Variants in CNTRL observed in about 807,000 individuals in gnomAD.
The protein encoded by CNTRL is centriolin.
In CNTRL, 233 loss-of-function variants were observed where a neutral mutation model predicts 303.7. The ratio of observed to expected loss-of-function variants is 0.77; its 90% CI spans 0.69 to 0.86. CNTRL has a LOEUF of 0.86. CNTRL is among the 40% of genes least tolerant of loss of function. The pLI, the probability that CNTRL is intolerant of heterozygous loss-of-function variation, is 0.00. For missense variants in CNTRL, 2,524 were observed against 2,650.6 expected (o/e 0.95, Z 1.05); for synonymous variants, 900 against 922.2 (o/e 0.98, Z 0.44).
chr9:121,152,729 G>A (rs760238174), intron 26 of CNTRL, 36 bp downstream of exon 26: 28 of 1,446,024 alleles, frequency 1.9e-5, no homozygotes, highest in South Asian at 1.2e-5. Flanking sequence ...AGACAAATAC[G>A]ATATTAGTTC....
intron 15 of CNTRL, among the ~76,000 whole-genome samples, 199 bp from the exon 16 acceptor site, chr9:121,138,343 CCTT>C (rs2051308914): frequency 6.6e-6 from 1 of 152,152 alleles, no homozygotes; most frequent in African/African-American, 2.4e-5. Flanking sequence ...GATGCTTACT[CCTT>C]CTTAAGTGTT....
intron 40 of CNTRL, 89 bp from the exon 41 acceptor site, chr9:121,173,154 A>G: frequency 1.7e-6 from 2 of 1,191,986 alleles, no homozygotes; most frequent in African/African-American, 1.5e-5. Context: ...ATATTTATAG[A>G]TCTTTAAATA....
Position 121,098,388 on chromosome 9 carries a change from C to A in CNTRL, c.624C>A (p.Leu208=), listed in dbSNP as rs755476575. The part of the protein sequence containing the change: ...LNLKGNKISS[L]QDISKLKPLQ... ...ATACTAATGTTATATCATTTCAGCT[C>A]CAAGATATAAGCAAGTTGAAACCGC... The change falls in exon 7 of 44, where the codon CTC becomes CTA. Residue 208 remains leucine, a splice_region_variant and synonymous_variant. Transcript: ENST00000373855. 1 of 1,595,638 alleles carries A rather than the reference C, an allele frequency of 6.3e-7. No homozygotes were observed. Among genetic ancestry groups the A allele is most frequent in the East Asian group, 2.2e-5 (1 of 44,592 alleles).
At position 121,154,929 on chromosome 9, in the gene CNTRL, G is replaced by A. The variant is rs2052483637; in HGVS notation, c.4365+16G>A. ...TAAAGAAAAGGTTTGTCTTCTTGTG[G>A]TTTGGGGTGTGAGCTCAGTGTGGGT... On this transcript the variant is annotated intron_variant, in intron 27 of 43. Coordinates refer to ENST00000373855, the MANE Select transcript of CNTRL (RefSeq NM_007018.6). 34 of 1,612,326 alleles carry A rather than the reference G, an allele frequency of 2.1e-5. No individual in the cohort carries two copies. Among genetic ancestry groups the A allele is most frequent in the Non-Finnish European group, 2.9e-5 (34 of 1,178,414 alleles).
At chr9:121,144,719 G>A (rs755039684) in intron 20 of CNTRL, 124 bp from the exon 21 acceptor site, 9 of 777,980 alleles carry the variant, frequency 1.2e-5, no homozygotes, top group Admixed American at 5.6e-5. Context: ...GGGCTTGGAT[G>A]TCCCTTTTCA....
intron 1 of CNTRL, among the ~76,000 whole-genome samples, chr9:121,075,707 A>G (rs775885622): frequency 2.6e-5 from 4 of 152,204 alleles, no homozygotes; most frequent in Non-Finnish European, 5.9e-5. Context: ...TTGTCCAAAT[A>G]ATTGCGAATC....
intron 6 of CNTRL, among the ~76,000 whole-genome samples, chr9:121,097,111 G>A (rs922588861): frequency 6.6e-6 from 1 of 151,968 alleles, no homozygotes; most frequent in South Asian, 2.1e-4. Context: ...GGATGATGTT[G>A]TATATTTTTC....
chr9:121,123,216 G>A (rs533573585), intron 12 of CNTRL, among the ~76,000 whole-genome samples: 1 of 152,134 alleles, frequency 6.6e-6, no homozygotes, highest in Non-Finnish European at 1.5e-5. Context: ...TAGCATTTTG[G>A]GATATAGTTT....
Position 121,125,901 on chromosome 9 carries a change from G to C in CNTRL, c.1990G>C (p.Glu664Gln). The C allele has an allele frequency of 6.2e-7, 1 of 1,614,174 alleles. No homozygotes were observed. Among genetic ancestry groups the C allele is most frequent in the South Asian group, 1.1e-5 (1 of 91,084 alleles). The change falls in exon 14 of 44, where the codon GAA (glutamate) becomes CAA (glutamine). Residue 664 changes from glutamate (E) to glutamine (Q), a missense_variant. Glu to Gln is a conservative substitution (Grantham distance 29). Transcript: ENST00000373855. ...AGTCGAGCAGGAGAGAGACCAGCTG[G>C]AAATAGTTGCCATGGATGCAGAAAA... ...TEVEQERDQL[E>Q]IVAMDAENMR...
rs1326344382 is a variant in CNTRL at position 121,177,396 on chromosome 9, A to G, written c.*210A>G. 1.9e-5 allele frequency: 8 copies of G among 430,330 alleles called. No homozygotes were observed. Among genetic ancestry groups the G allele is most frequent in the Non-Finnish European group, 2.9e-5 (7 of 245,372 alleles). 26.7% of individuals were successfully genotyped at this position (430,330 alleles called of 1,614,324 possible). ...CATATGGGAATAGTTGCATATGGGA[A>G]TTTAAACCAACATGTGGCTGAGCCT... is the stretch of plus-strand genomic sequence containing the variant. On this transcript the variant is annotated 3_prime_UTR_variant, in exon 44 of 44. Transcript: ENST00000373855.
chr9:121,157,546 A>G lies in CNTRL; in HGVS notation c.4442A>G (p.Glu1481Gly), dbSNP rs1460504738. ...LQTESDAEELERRAQETAVNL... is the reference protein window; with the variant it reads ...LQTESDAEELGRRAQETAVNL... Reference sequence around the variant, plus strand: ...ACTGAGTCAGATGCTGAGGAATTAGAAAGGAGAGCTCAGGAAACTGCTGTT... The same window carrying G: ...ACTGAGTCAGATGCTGAGGAATTAGGAAGGAGAGCTCAGGAAACTGCTGTT... The change falls in exon 28 of 44, where the codon GAA becomes GGA. Residue 1481 changes from glutamate to glycine, a missense_variant. Glu to Gly is a moderately conservative substitution (Grantham distance 98, BLOSUM62 -2). Coordinates refer to ENST00000373855, the MANE Select transcript of CNTRL (RefSeq NM_007018.6). The G allele has an allele frequency of 1.2e-6, 2 of 1,614,178 alleles. No individual in the cohort carries two copies. Among genetic ancestry groups the G allele is most frequent in the Non-Finnish European group, 1.7e-6 (2 of 1,180,006 alleles).
intron 12 of CNTRL, among the ~76,000 whole-genome samples, chr9:121,123,722 C>T (rs918735229): frequency 1.1e-4 from 16 of 152,216 alleles, no homozygotes; most frequent in African/African-American, 3.9e-4. Flanking sequence ...TCAGTTTTCT[C>T]ACCTGTAAAG....
intron 1 of CNTRL, among the ~76,000 whole-genome samples, chr9:121,077,265 C>T (rs749427761): frequency 4.0e-5 from 6 of 151,868 alleles, no homozygotes; most frequent in Admixed American, 1.3e-4. Context: ...CTCCTTTACT[C>T]GCCCTAGCCT....
At chr9:121,170,573 A>G (rs973247827) in intron 39 of CNTRL, among the ~76,000 whole-genome samples, 1 of 152,140 alleles carries the variant, frequency 6.6e-6, no homozygotes, top group Non-Finnish European at 1.5e-5. Flanking sequence ...CTCCTGTCTC[A>G]GCCTCCTGAG....
intron 39 of CNTRL, among the ~76,000 whole-genome samples, chr9:121,170,677 A>C (rs1277255578): frequency 1.3e-5 from 2 of 150,560 alleles, no homozygotes; most frequent in Admixed American, 1.3e-4. Flanking sequence ...CTGGTCTTGC[A>C]CTCCTGACCT....
chr9:121,152,679 A>G lies in CNTRL; in HGVS notation c.4158A>G (p.Lys1386=). ...EVEELHRTVQ[K]RQQQKDFIDG... ...AAGAATTACATAGAACTGTCCAGAA[A>G]CGTCAACAGCAAAAGTAATTAATAT... is the stretch of plus-strand genomic sequence containing the variant. Residue 1386 remains lysine, a synonymous_variant, in exon 26 of 44, where the codon AAA becomes AAG. Transcript: ENST00000373855. 6.2e-7 allele frequency: 1 copy of G among 1,607,806 alleles called. No homozygotes were observed. The highest frequency in any genetic ancestry group is 8.5e-7 in the Non-Finnish European group (1 of 1,176,004).
In CNTRL at chr9:121,173,509, G is replaced by A. The variant is rs1564309533; in HGVS notation, c.6684G>A (p.Met2228Ile). Residue 2228 changes from methionine (M) to isoleucine (I), a missense_variant and splice_region_variant, in exon 41 of 44, where the codon ATG becomes ATA. Coordinates refer to ENST00000373855, the MANE Select transcript of CNTRL (RefSeq NM_007018.6). Reference sequence around the variant, plus strand: ...TGAACTTTTCCCAAGTTCACATAATGGTAAGGGTTTATCCTGCTATTCTCT... The same window carrying A: ...TGAACTTTTCCCAAGTTCACATAATAGTAAGGGTTTATCCTGCTATTCTCT... ...EKLNFSQVHI[M>I]DEHWRGEALR... The A allele has an allele frequency of 3.7e-6, 6 of 1,613,222 alleles. No individual in the cohort carries two copies. The highest frequency in any genetic ancestry group is 1.7e-4 in the Middle Eastern group (1 of 6,054).
At chr9:121,156,752 T>C (rs75798349) in intron 27 of CNTRL, among the ~76,000 whole-genome samples, 3,813 of 80,262 alleles carry the variant, frequency 0.048, 78 homozygotes, top group Middle Eastern at 0.094. Flanking sequence ...AGAAACCAAG[T>C]TGATTAAAAC....
chr9:121,086,305 A>T lies in CNTRL; in HGVS notation c.-31-1991A>T, dbSNP rs548721802. On this transcript the variant is annotated intron_variant, in intron 2 of 43. Coordinates refer to ENST00000373855, the MANE Select transcript of CNTRL (RefSeq NM_007018.6). The stretch of plus-strand genomic sequence containing the variant: ...GGAGACAAATGTTAAGCAAAATGAC[A>T]TAAATGTGTAATTTCAAACTGATTA... Among the ~76,000 whole-genome samples, 3 of 152,352 alleles carry T rather than the reference A, an allele frequency of 2.0e-5. No homozygotes were observed. The South Asian group carries it at 6.2e-4, about 32-fold the overall frequency.
Sources: allele counts gnomAD v4.1 joint callset (sites outside exome capture counted in the v4.1 genomes callset), GRCh38; gene constraint gnomAD v4.1.1; transcripts MANE v1.5; gene names NCBI Gene and HGNC (gene_info 2026-07-23, HGNC 2026-07-21).